The following ABHD17B variants were observed in gnomAD, a reference collection of about 807,000 sequenced individuals.
ABHD17B encodes the protein abhydrolase domain containing 17B, depalmitoylase.
A neutral mutation model predicts 26.2 loss-of-function variants in ABHD17B; 9 were observed. The ratio of observed to expected loss-of-function variants is 0.34; its 90% confidence interval spans 0.21 to 0.60. The LOEUF is 0.60. Ranked by LOEUF, ABHD17B falls within the 20% of genes least tolerant of loss-of-function variation. The pLI, the probability that ABHD17B is intolerant of heterozygous loss-of-function variation, is 0.80. For missense variants in ABHD17B, 224 were observed against 352.1 expected (o/e 0.64, Z 2.91); for synonymous variants, 127 against 122.3 (o/e 1.04, Z -0.25).
rs533977926 is a variant in ABHD17B, at chr9:71,907,991, A to C, written c.-4+2643T>G. ...AACACTGCTCCAAAGCAAAGGATTCAGGACTAGAGAAGACCCAAGTTCAAG... is the reference window on the plus strand; with the variant it reads ...AACACTGCTCCAAAGCAAAGGATTCCGGACTAGAGAAGACCCAAGTTCAAG... On this transcript the variant is annotated intron_variant, in intron 1 of 3. Coordinates refer to ENST00000333421, the MANE Select transcript of ABHD17B (RefSeq NM_001025780.3). 3.9e-5 allele frequency among the ~76,000 whole-genome samples: 6 copies of C among 152,392 alleles called. No individual in the cohort carries two copies. The South Asian group carries it at 1.2e-3, about 32-fold the overall frequency.
intron 1 of ABHD17B, among the ~76,000 whole-genome samples, chr9:71,884,646 A>T (rs770277962): frequency 2.6e-5 from 4 of 152,052 alleles, no homozygotes; most frequent in Non-Finnish European, 5.9e-5. Context: ...AAAAAAAAAA[A>T]AAGGAAATTA....
At chr9:71,883,008 G>A (rs1454113670) in intron 1 of ABHD17B, among the ~76,000 whole-genome samples, 1 of 138,020 alleles carries the variant, frequency 7.2e-6, no homozygotes, top group Non-Finnish European at 1.6e-5. Context: ...GCCAGGCATG[G>A]TGGCACACAC....
At chr9:71,906,150 G>A (rs1465746789) in intron 1 of ABHD17B, among the ~76,000 whole-genome samples, 1 of 152,004 alleles carries the variant, frequency 6.6e-6, no homozygotes, top group Non-Finnish European at 1.5e-5. Context: ...GGAACAGAAA[G>A]AGGAAAAAAA....
chr9:71,891,717 AGTCT>A (rs1564070011), intron 1 of ABHD17B, among the ~76,000 whole-genome samples: 1 of 152,202 alleles, frequency 6.6e-6, no homozygotes, highest in Non-Finnish European at 1.5e-5. Flanking sequence ...AGTCAGTGTC[AGTCT>A]GTCTCTCACA....
At position 71,865,584 on chromosome 9, in the gene ABHD17B, G is replaced by A. The variant is rs758580283; in HGVS notation, c.*1203C>T. The A allele has an allele frequency of 1.0e-6, 1 of 984,964 alleles. No individual in the cohort carries two copies. Among genetic ancestry groups the A allele is most frequent in the Non-Finnish European group, 1.2e-6 (1 of 829,792 alleles). The allele number at this position is 984,964 out of a possible 1,614,324, so 61.0% of individuals were successfully genotyped here. ...CCTATTTTTAAAAATAGCTAAAGTG[G>A]GCCAGGCGCAGTGGCTCATGCCTGT... On this transcript the variant is annotated 3_prime_UTR_variant, in exon 4 of 4. Coordinates refer to ENST00000333421, the MANE Select transcript of ABHD17B (RefSeq NM_001025780.3).
intron 1 of ABHD17B, among the ~76,000 whole-genome samples, chr9:71,880,657 C>T (rs1193531228): frequency 6.6e-6 from 1 of 151,780 alleles, no homozygotes; most frequent in Non-Finnish European, 1.5e-5. Context: ...TGTTAGCTAG[C>T]ATTAAACAAC....
intron 1 of ABHD17B, among the ~76,000 whole-genome samples, chr9:71,907,275 C>A (rs1827313336): frequency 1.3e-5 from 2 of 152,046 alleles, no homozygotes; most frequent in African/African-American, 4.8e-5. Context: ...ATAGATAAAT[C>A]TTGGCCAAGT....
chr9:71,901,101 G>A (rs1343126927), intron 1 of ABHD17B, among the ~76,000 whole-genome samples: 2 of 151,970 alleles, frequency 1.3e-5, no homozygotes, highest in South Asian at 2.1e-4. Context: ...GCAGTGAGCC[G>A]AGATCGTGCC....
At chr9:71,878,179 T>C (rs1392967079) in intron 1 of ABHD17B, among the ~76,000 whole-genome samples, 4 of 151,892 alleles carry the variant, frequency 2.6e-5, no homozygotes, top group African/African-American at 4.8e-5. Flanking sequence ...TAAACTTAGA[T>C]AATTTCAAGT....
chr9:71,873,367 A>C lies in ABHD17B; in HGVS notation c.467+1247T>G, dbSNP rs534485539. Among the ~76,000 whole-genome samples the C allele has an allele frequency of 1.4e-3, 211 of 152,286 alleles. 1 individual carries two copies. In the South Asian group the frequency reaches 0.018, roughly 13 times the overall value. Reference sequence around the variant, plus strand: ...TAATCAAAGAATAACTGACATAGTAAGAAAATTTTATTAAACAATTTATCA... The same window carrying C: ...TAATCAAAGAATAACTGACATAGTACGAAAATTTTATTAAACAATTTATCA... On this transcript the variant is annotated intron_variant, in intron 2 of 3. Coordinates refer to ENST00000333421, the MANE Select transcript of ABHD17B (RefSeq NM_001025780.3).
At chr9:71,900,630 C>T (rs909176295) in intron 1 of ABHD17B, among the ~76,000 whole-genome samples, 1 of 119,030 alleles carries the variant, frequency 8.4e-6, no homozygotes, top group Non-Finnish European at 1.6e-5. Flanking sequence ...CTGGTCTGGG[C>T]GACAGAGTGA....
intron 1 of ABHD17B, among the ~76,000 whole-genome samples, chr9:71,893,047 A>G (rs1042952596): frequency 3.3e-5 from 5 of 152,224 alleles, no homozygotes; most frequent in Admixed American, 1.3e-4. Flanking sequence ...CTTTTGTGAC[A>G]GGCTTATTTC....
In ABHD17B at chr9:71,898,457, C is replaced by T. The variant is rs1480793658; in HGVS notation, c.-4+12177G>A. Among the ~76,000 whole-genome samples, 18 of 146,360 alleles carry T rather than the reference C, an allele frequency of 1.2e-4. No individual in the cohort carries two copies. The Admixed American group carries it at 1.2e-3, about 10-fold the overall frequency. ...GACCAGCCTGACCAACATGGCGAAA[C>T]TCCATCTCTACTAAAAAAAAAAAAA... On this transcript the variant is annotated intron_variant, in intron 1 of 3. Coordinates refer to ENST00000333421, the MANE Select transcript of ABHD17B (RefSeq NM_001025780.3).
At chr9:71,862,489 G>T, downstream of ABHD17B, 1 of 1,407,500 alleles carries the variant, frequency 7.1e-7, no homozygotes, top group South Asian at 1.4e-5. Flanking sequence ...TAATTTGAAA[G>T]GATCATTGGT....
chr9:71,863,141 G>A (rs1365178609), downstream of ABHD17B, among the ~76,000 whole-genome samples: 2 of 152,096 alleles, frequency 1.3e-5, no homozygotes, highest in Non-Finnish European at 2.9e-5. Context: ...TGTACTTGGA[G>A]GATATGGCAC....
intron 1 of ABHD17B, among the ~76,000 whole-genome samples, chr9:71,877,450 C>T (rs1369524458): frequency 6.6e-6 from 1 of 152,366 alleles, no homozygotes; most frequent in South Asian, 2.1e-4. Flanking sequence ...CGAAGTCTCA[C>T]TCTATCGCCC....
chr9:71,892,932 T>C (rs879586984), intron 1 of ABHD17B, among the ~76,000 whole-genome samples: 6 of 152,166 alleles, frequency 3.9e-5, no homozygotes, highest in African/African-American at 9.7e-5. Context: ...CACTAAACAA[T>C]AACATCATTT....
intron 3 of ABHD17B, among the ~76,000 whole-genome samples, chr9:71,868,346 C>A (rs1188546361): frequency 2.6e-5 from 4 of 152,166 alleles, no homozygotes; most frequent in African/African-American, 9.7e-5. Flanking sequence ...TTGATCAGCT[C>A]CTTTACTTAC....
At chr9:71,874,331 T>C (rs1159756994) in intron 2 of ABHD17B, among the ~76,000 whole-genome samples, 1 of 152,156 alleles carries the variant, frequency 6.6e-6, no homozygotes, top group Non-Finnish European at 1.5e-5. Context: ...ACTATAGGCA[T>C]GCACCATGGA....
Sources: allele counts gnomAD v4.1 joint callset (sites outside exome capture counted in the v4.1 genomes callset), GRCh38; gene constraint gnomAD v4.1.1; transcripts MANE v1.5; gene names NCBI Gene and HGNC (gene_info 2026-07-23, HGNC 2026-07-21).